The following NXPH2 variants were observed in gnomAD, a reference collection of about 807,000 sequenced individuals.
NXPH2 encodes the protein neurexophilin 2, also known as neurexophilin-2.
NXPH2 carries 5 observed loss-of-function variants against 19.8 expected under a neutral mutation model. The ratio of observed to expected loss-of-function variants is 0.25; its 90% CI spans 0.13 to 0.53. The LOEUF is 0.53. Among genes scored for constraint, NXPH2 ranks in the 20% least tolerant of loss-of-function variants. The pLI is 0.96. For synonymous variants in NXPH2, 154 were observed against 127.4 expected (o/e 1.21, Z -1.41); for missense variants, 289 against 322.8 (o/e 0.90, Z 0.80).
intron 1 of NXPH2, among the ~76,000 whole-genome samples, chr2:138,748,140 G>C (rs1449959020): frequency 1.3e-5 from 2 of 152,162 alleles, no homozygotes; most frequent in East Asian, 3.9e-4. Flanking sequence ...TGTCATGTGG[G>C]AGGCACTGTG....
chr2:138,670,446 T>C lies in NXPH2; in HGVS notation c.*476A>G, dbSNP rs6726073. ...CAGCACAGATGGATGGGGGAAAAGA[T>C]AGAAATATAAAAAAAAGGGTCCAAT... On this transcript the variant is annotated 3_prime_UTR_variant, in exon 2 of 2. Transcript: ENST00000272641. Among the ~76,000 whole-genome samples, 446 of 152,272 alleles carry C rather than the reference T, an allele frequency of 2.9e-3. 1 individual carries two copies. The highest frequency in any genetic ancestry group is 0.01 in the African/African-American group (420 of 41,558).
chr2:138,774,084 C>T (rs1264662903), intron 1 of NXPH2, among the ~76,000 whole-genome samples: 1 of 152,138 alleles, frequency 6.6e-6, no homozygotes, highest in East Asian at 1.9e-4. Flanking sequence ...ACACAAAAGT[C>T]ACTTGCTAGT....
chr2:138,746,432 C>A (rs1347976091), intron 1 of NXPH2, among the ~76,000 whole-genome samples: 1 of 152,210 alleles, frequency 6.6e-6, no homozygotes, highest in Non-Finnish European at 1.5e-5. Flanking sequence ...GCTTTCCATG[C>A]TCCCTCGTGC....
chr2:138,697,711 G>T (rs1680849029), intron 1 of NXPH2, among the ~76,000 whole-genome samples: 1 of 150,140 alleles, frequency 6.7e-6, no homozygotes, highest in South Asian at 2.1e-4. Context: ...TTTTAATTTG[G>T]AAAAATAATG....
rs112175380 is a variant in NXPH2, at chr2:138,736,846, C to A, written c.51+43345G>T. ...ATTTCTTCTGCCAGATAACCTAAATCATCTCTCAAGTTCGAAGTTCCACAA... is the reference window on the plus strand; with the variant it reads ...ATTTCTTCTGCCAGATAACCTAAATAATCTCTCAAGTTCGAAGTTCCACAA... On this transcript the variant is annotated intron_variant, in intron 1 of 1. Coordinates refer to ENST00000272641, the MANE Select transcript of NXPH2 (RefSeq NM_007226.3). 3.5e-3 allele frequency among the ~76,000 whole-genome samples: 532 copies of A among 152,350 alleles called. 3 individuals are homozygous for A. Among genetic ancestry groups the A allele is most frequent in the African/African-American group, 8.7e-3 (360 of 41,586 alleles).
intron 1 of NXPH2, among the ~76,000 whole-genome samples, chr2:138,765,189 C>T (rs1309874758): frequency 6.6e-6 from 1 of 152,128 alleles, no homozygotes; most frequent in Non-Finnish European, 1.5e-5. Context: ...AAGACAGGCA[C>T]AGGAATGTGC....
intron 1 of NXPH2, among the ~76,000 whole-genome samples, chr2:138,694,016 A>C (rs1357646622): frequency 6.6e-6 from 1 of 152,184 alleles, no homozygotes; most frequent in Non-Finnish European, 1.5e-5. Flanking sequence ...TTAAAGAAAA[A>C]TGAAACTTAA....
chr2:138,770,676 T>C (rs1682162779), intron 1 of NXPH2, among the ~76,000 whole-genome samples: 1 of 152,016 alleles, frequency 6.6e-6, no homozygotes, highest in South Asian at 2.1e-4. Context: ...TTTCCTTACA[T>C]TCCAGCAAAA....
intron 1 of NXPH2, among the ~76,000 whole-genome samples, chr2:138,674,366 C>T (rs1306503290): frequency 1.3e-5 from 2 of 151,902 alleles, no homozygotes; most frequent in Non-Finnish European, 2.9e-5. Flanking sequence ...GTTGGCCAGG[C>T]TGGTCTCAAA....
At chr2:138,779,126 G>A (rs528413041) in intron 1 of NXPH2, among the ~76,000 whole-genome samples, 1 of 152,280 alleles carries the variant, frequency 6.6e-6, no homozygotes, top group Admixed American at 6.5e-5. Flanking sequence ...GAGAGCGAGC[G>A]AGAGAGAAGA....
chr2:138,669,416 T>C lies in NXPH2; in HGVS notation c.*1506A>G, dbSNP rs369582466. 9.2e-4 allele frequency among the ~76,000 whole-genome samples: 140 copies of C among 152,234 alleles called. No individual in the cohort carries two copies. The highest frequency in any genetic ancestry group is 3.2e-3 in the African/African-American group (133 of 41,564). Reference sequence around the variant, plus strand: ...CTGTACTACCACACACTAAGCTTAGTACAATTTTTACAAAAGACAAAAATT... The same window carrying C: ...CTGTACTACCACACACTAAGCTTAGCACAATTTTTACAAAAGACAAAAATT... On this transcript the variant is annotated 3_prime_UTR_variant, in exon 2 of 2. Transcript: ENST00000272641.
chr2:138,766,316 C>G (rs1165513697), intron 1 of NXPH2, among the ~76,000 whole-genome samples: 1 of 152,178 alleles, frequency 6.6e-6, no homozygotes, highest in East Asian at 1.9e-4. Context: ...GAGGCTGAAG[C>G]AGTCACTTGG....
At chr2:138,691,201 C>T (rs1558914709) in intron 1 of NXPH2, among the ~76,000 whole-genome samples, 1 of 152,132 alleles carries the variant, frequency 6.6e-6, no homozygotes, top group Admixed American at 6.5e-5. Context: ...TTAATAAGTA[C>T]TTGTTGGGTT....
chr2:138,743,471 A>T (rs1681676178), intron 1 of NXPH2, among the ~76,000 whole-genome samples: 1 of 152,244 alleles, frequency 6.6e-6, no homozygotes, highest in South Asian at 2.1e-4. Flanking sequence ...AGTGTCCAGC[A>T]TAGACAAATC....
chr2:138,675,156 C>T (rs1024282214), intron 1 of NXPH2, among the ~76,000 whole-genome samples: 3 of 152,166 alleles, frequency 2.0e-5, no homozygotes, highest in Admixed American at 6.5e-5. Context: ...AACTAAAATA[C>T]ATTTTTCATT....
intron 1 of NXPH2, among the ~76,000 whole-genome samples, chr2:138,763,349 A>G (rs974027406): frequency 2.0e-5 from 3 of 152,140 alleles, no homozygotes; most frequent in African/African-American, 7.2e-5. Flanking sequence ...CTGAATCTAA[A>G]CTTTAGAAAT....
intron 1 of NXPH2, among the ~76,000 whole-genome samples, chr2:138,724,889 C>A (rs1009023287): frequency 6.6e-6 from 1 of 152,182 alleles, no homozygotes; most frequent in Non-Finnish European, 1.5e-5. Context: ...CAATAAATAC[C>A]ATTACGCACA....
At chr2:138,688,560 T>C (rs1680696573) in intron 1 of NXPH2, among the ~76,000 whole-genome samples, 1 of 152,194 alleles carries the variant, frequency 6.6e-6, no homozygotes, top group Non-Finnish European at 1.5e-5. Context: ...TGGGACCCTT[T>C]CTCCACTAAA....
At chr2:138,742,939 C>T (rs1489599227) in intron 1 of NXPH2, among the ~76,000 whole-genome samples, 2 of 152,142 alleles carry the variant, frequency 1.3e-5, no homozygotes, top group African/African-American at 4.8e-5. Context: ...ATGGCAACCA[C>T]AAACAGCAAC....
Sources: gnomAD v4.1 joint callset for allele counts (sites outside exome capture counted in the v4.1 genomes callset) on GRCh38, gnomAD v4.1.1 for gene constraint, MANE v1.5 for transcripts, NCBI Gene and HGNC (gene_info 2026-07-23, HGNC 2026-07-21) for gene names.